The following TRAPPC2L variants were observed in gnomAD, a reference collection of about 807,000 sequenced individuals.
TRAPPC2L encodes trafficking protein particle complex subunit 2L.
TRAPPC2L carries 17 observed loss-of-function variants against 13.2 expected under a neutral mutation model. The observed-to-expected ratio is 1.29, with a 90% CI of 0.88 to 1.93. The LOEUF is 1.93. Ranked by LOEUF, TRAPPC2L falls within the 30% of genes most tolerant of loss-of-function variation. The pLI is 0.00. For missense variants in TRAPPC2L, 359 were observed against 252.1 expected, an observed-to-expected ratio of 1.42 and a Z score of -2.87; for synonymous variants, 150 against 98.1, an observed-to-expected ratio of 1.53 and a Z score of -3.12.
chr16:88,856,558 C>T, upstream of TRAPPC2L: 1 of 658,952 alleles, frequency 1.5e-6, no homozygotes, highest in Non-Finnish European at 2.8e-6. Flanking sequence ...CCCCGAGGGG[C>T]CTCCCCCTCC....
chr16:88,860,929 G>A (rs1354545179), exon 4 of TRAPPC2L: 1 of 1,594,588 alleles, frequency 6.3e-7, no homozygotes, highest in East Asian at 2.3e-5. Flanking sequence ...TTGATAACAT[G>A]GTGACGTCGA....
At chr16:88,861,438 T>C (rs1044441352) in exon 4 of TRAPPC2L, 3 of 346,318 alleles carry the variant, frequency 8.7e-6, no homozygotes, top group Non-Finnish European at 1.7e-5. Flanking sequence ...TTTCTGGACT[T>C]GGCCTCCATT....
chr16:88,860,471 C>T (rs1968308331), exon 4 of TRAPPC2L: 1 of 603,624 alleles, frequency 1.7e-6, no homozygotes, highest in Admixed American at 2.9e-5. Flanking sequence ...CAGTGAGTCC[C>T]CAGTTCCAAG....
chr16:88,861,482 G>A (rs188908020), exon 4 of TRAPPC2L: 13 of 354,496 alleles, frequency 3.7e-5, no homozygotes, highest in African/African-American at 1.9e-4. Context: ...GATTCCGCCC[G>A]GCCTTAAAAG....
rs71395334 is a variant in TRAPPC2L at position 88,859,681 on chromosome 16, C to T, written c.225C>T (p.Asn75=). ...TGTGCAGATACGGCTACGTCACCAA[C>T]TCCAAGGTGAAGTTTGTCATGGTGG... Residue 75 remains asparagine (N), a synonymous_variant, in exon 3 of 4, where the codon AAC becomes AAT. Coordinates refer to ENST00000565504, the Ensembl canonical transcript of TRAPPC2L. The T allele has an allele frequency of 0.023, 37,262 of 1,613,856 alleles. 569 individuals are homozygous for T. The highest frequency in any genetic ancestry group is 0.066 in the East Asian group (2,976 of 44,892).
chr16:88,858,293 A>G (rs1330810847), intron 1 of TRAPPC2L, among the ~76,000 whole-genome samples: 1 of 152,234 alleles, frequency 6.6e-6, no homozygotes, highest in Non-Finnish European at 1.5e-5. Context: ...GGGCTGAGGC[A>G]GAGTGGCCTC....
chr16:88,859,418 G>C, intron 2 of TRAPPC2L: 2 of 700,272 alleles, frequency 2.9e-6, no homozygotes, highest in Non-Finnish European at 5.2e-6. Context: ...GAGTCTAGGT[G>C]GTTCGGCTCC....
upstream of TRAPPC2L, chr16:88,856,352 C>T (rs550729585): frequency 2.3e-4 from 160 of 702,146 alleles, no homozygotes; most frequent in Middle Eastern, 6.9e-4. Flanking sequence ...CTCTTCCTCC[C>T]TTTGGGGAGG....
Position 88,857,193 on chromosome 16 carries a change from C to G in TRAPPC2L, c.33+10C>G, listed in dbSNP as rs748527445. 2.8e-5 allele frequency: 44 copies of G among 1,569,948 alleles called. No homozygotes were observed. The South Asian group carries it at 5.0e-4, about 18-fold the overall frequency. ...GGTGATTGCCAAGGAGGTGCGTACGCGCGGCGTGGGGCGTCCGGGCTCGCA... is the reference window on the plus strand; with the variant it reads ...GGTGATTGCCAAGGAGGTGCGTACGGGCGGCGTGGGGCGTCCGGGCTCGCA... On this transcript the variant is annotated intron_variant, in intron 1 of 3. Coordinates refer to ENST00000565504, the Ensembl canonical transcript of TRAPPC2L.
chr16:88,856,962 G>A, upstream of TRAPPC2L: 1 of 1,411,014 alleles, frequency 7.1e-7, no homozygotes, highest in Non-Finnish European at 9.1e-7. Context: ...TGCGGGGCGG[G>A]GCCTGGACGG....
exon 4 of TRAPPC2L, chr16:88,861,772 C>T: frequency 2.3e-6 from 1 of 429,222 alleles, no homozygotes; most frequent in East Asian, 7.2e-5. Flanking sequence ...TGGTCCAGGA[C>T]TGGAGAGTTT....
chr16:88,858,567 T>A lies in TRAPPC2L; in HGVS notation c.34-52T>A, dbSNP rs547468763. The A allele has an allele frequency of 1.7e-5, 27 of 1,586,562 alleles. No homozygotes were observed. The East Asian group carries it at 4.0e-4, about 24-fold the overall frequency. ...GCTCTGCAGCATAGTTCAGAGCTGG[T>A]GTGCGCTGGGTGGAGTCTTGTCCTT... On this transcript the variant is annotated intron_variant, in intron 1 of 3. Coordinates refer to ENST00000565504, the Ensembl canonical transcript of TRAPPC2L.
chr16:88,857,120 T>A (rs1332682251), upstream of TRAPPC2L: 6 of 1,539,930 alleles, frequency 3.9e-6, no homozygotes, highest in Non-Finnish European at 5.2e-6. Flanking sequence ...GCGGGTCACG[T>A]GACGCGGTGC....
chr16:88,861,549 C>T (rs1968390677), exon 4 of TRAPPC2L: 1 of 446,792 alleles, frequency 2.2e-6, no homozygotes, highest in South Asian at 1.6e-5. Context: ...TCAGCTGCAG[C>T]CCTGGTCCTA....
chr16:88,856,297 G>T (rs969323431), upstream of TRAPPC2L: 29 of 702,748 alleles, frequency 4.1e-5, no homozygotes, highest in Non-Finnish European at 6.8e-5. Context: ...TGGCGGGAGT[G>T]ATTCCTAGGG....
exon 4 of TRAPPC2L, chr16:88,861,350 T>C: frequency 2.8e-6 from 1 of 354,698 alleles, no homozygotes; most frequent in Non-Finnish European, 5.5e-6. Flanking sequence ...GGGGGTGGCC[T>C]CCTGAGCCCA....
At chr16:88,859,373 T>C (rs1410657428) in intron 2 of TRAPPC2L, 7 of 692,904 alleles carry the variant, frequency 1.0e-5, no homozygotes, top group East Asian at 5.5e-5. Flanking sequence ...CATTGATTCA[T>C]GAAGAGGGTG....
At chr16:88,856,484 A>T, upstream of TRAPPC2L, 1 of 699,684 alleles carries the variant, frequency 1.4e-6, no homozygotes, top group Non-Finnish European at 2.6e-6. Context: ...GTCATGCAGC[A>T]CAGTGGCAGC....
intron 2 of TRAPPC2L, 25 bp from the exon 3 acceptor site, chr16:88,859,638 G>A (rs1968231389): frequency 2.5e-6 from 4 of 1,611,340 alleles, no homozygotes; most frequent in East Asian, 2.2e-5. Flanking sequence ...TGTGTTACGA[G>A]TGCCTTCCCT....
Sources: allele counts gnomAD v4.1 joint callset (sites outside exome capture counted in the v4.1 genomes callset), GRCh38; gene constraint gnomAD v4.1.1; transcripts MANE v1.5; gene names NCBI Gene and HGNC (gene_info 2026-07-23, HGNC 2026-07-21).